GEMIN5: variants seen among roughly 807,000 people sequenced by gnomAD.
The protein encoded by GEMIN5 is gem-associated protein 5.
A neutral mutation model predicts 176.9 loss-of-function variants in GEMIN5; 124 were observed. The ratio of observed to expected loss-of-function variants is 0.70; its 90% CI spans 0.61 to 0.81. GEMIN5 has a LOEUF of 0.81. Ranked by LOEUF, GEMIN5 falls within the 40% of genes least tolerant of loss-of-function variation. The probability of loss-of-function intolerance (pLI) is 0.00; values close to 1 mark genes in which losing one functional copy is unlikely to be tolerated. For synonymous variants in GEMIN5, 673 were observed against 665.2 expected (o/e 1.01, Z -0.18); for missense variants, 1,843 against 1,814.6 (o/e 1.02, Z -0.28).
intron 11 of GEMIN5, 136 bp downstream of exon 11, chr5:154,919,831 C>A: frequency 1.4e-6 from 1 of 701,050 alleles, no homozygotes. Context: ...TCATGCACAG[C>A]CTTATAAGAA....
Position 154,919,992 on chromosome 5 carries a change from A to G in GEMIN5, c.1574T>C (p.Leu525Pro). 3 of 1,613,750 alleles carry G rather than the reference A, an allele frequency of 1.9e-6. No individual in the cohort carries two copies. Among genetic ancestry groups the G allele is most frequent in the Non-Finnish European group, 2.5e-6 (3 of 1,179,788 alleles). ...LSGEAFDINK[L>P]IRDTNSIKYK... ...TTTGATTGAATTGGTGTCCCTGATG[A>G]GTTTGTTGATGTCAAAGGCTTCTCC... The change falls in exon 11 of 28, where the codon CTC becomes CCC. Residue 525 changes from leucine (L) to proline (P), a missense_variant. By Grantham distance (98) the Leu-to-Pro change is moderately conservative. Transcript: ENST00000285873.
chr5:154,891,116 G>T (rs1763216002), intron 26 of GEMIN5, 125 bp downstream of exon 26: 5 of 514,230 alleles, frequency 9.7e-6, no homozygotes, highest in Non-Finnish European at 1.2e-5. Flanking sequence ...GGCTGGTGGT[G>T]AACTCCTGGG....
intron 23 of GEMIN5, among the ~76,000 whole-genome samples, chr5:154,897,918 T>TG (rs1249345371): frequency 1.3e-5 from 2 of 148,828 alleles, no homozygotes; most frequent in Non-Finnish European, 3.0e-5. Context: ...TTTTGTGTTT[T>TG]TTTTTTTTTT....
chr5:154,935,482 C>T (rs997428667), intron 3 of GEMIN5, among the ~76,000 whole-genome samples: 1 of 152,162 alleles, frequency 6.6e-6, no homozygotes, highest in African/African-American at 2.4e-5. Flanking sequence ...CTAAAGGGAG[C>T]GCTCAGAACT....
chr5:154,927,052 G>A (rs375691414), intron 7 of GEMIN5, among the ~76,000 whole-genome samples: 11 of 146,750 alleles, frequency 7.5e-5, no homozygotes, highest in Non-Finnish European at 4.5e-5. Flanking sequence ...CTCTGTCTCA[G>A]AAAAAAAAAA....
At chr5:154,905,237 C>A in intron 17 of GEMIN5, 126 bp downstream of exon 17, 1 of 482,878 alleles carries the variant, frequency 2.1e-6, no homozygotes. Flanking sequence ...ATCAGAAAAC[C>A]TACAAATATT....
At chr5:154,919,889 G>A in intron 11 of GEMIN5, 78 bp downstream of exon 11, 1 of 1,239,496 alleles carries the variant, frequency 8.1e-7, no homozygotes, top group Non-Finnish European at 1.2e-6. Flanking sequence ...TCCAATAACA[G>A]CATTTATTTT....
intron 3 of GEMIN5, among the ~76,000 whole-genome samples, chr5:154,935,262 C>T (rs1764244230): frequency 6.6e-6 from 1 of 152,174 alleles, no homozygotes; most frequent in Non-Finnish European, 1.5e-5. Flanking sequence ...TGCCTTAGCC[C>T]CCAGTCTTTC....
At chr5:154,925,792 TGAACAGGCATAAAAGAGAATTATTTG>T in intron 8 of GEMIN5, 44 bp downstream of exon 8, 1 of 833,898 alleles carries the variant, frequency 1.2e-6, no homozygotes, top group South Asian at 1.5e-5. Flanking sequence ...CGCATTTAAA[TGAACAGGCATAAAAGAGAATTATTTG>T]GAAAAAAAAA....
At chr5:154,924,049 G>C (rs348755) in intron 9 of GEMIN5, among the ~76,000 whole-genome samples, 144,735 of 152,336 alleles carry the variant, frequency 0.95, 68,920 homozygotes, top group South Asian at 0.99. Flanking sequence ...CCCACTGAAA[G>C]TATTATTTAA....
At chr5:154,914,001 T>TA (rs1325662154) in intron 13 of GEMIN5, among the ~76,000 whole-genome samples, 8 of 151,612 alleles carry the variant, frequency 5.3e-5, no homozygotes, top group Non-Finnish European at 1.0e-4. Context: ...ACCCAGTTTC[T>TA]AAAAAATAAA....
At position 154,905,381 on chromosome 5, in the gene GEMIN5, G is replaced by A. The variant is rs745650571; in HGVS notation, c.2491C>T (p.Pro831Ser). The change falls in exon 17 of 28, where the codon CCA (proline) becomes TCA (serine). Residue 831 changes from proline (P) to serine (S), a missense_variant. Physicochemically the swap from Pro to Ser is moderately conservative, Grantham distance 74. Coordinates refer to ENST00000285873, the MANE Select transcript of GEMIN5 (RefSeq NM_015465.5). Reference protein sequence around the residue: ...NNKVILLKKEPPKEKPETLIK... With the variant: ...NNKVILLKKESPKEKPETLIK... The stretch of plus-strand genomic sequence containing the variant: ...TACCAACCTGGCTTCTCTTTTGGTG[G>A]CTCCTTTTTCAGTAAAATGACTTTG... The A allele has an allele frequency of 1.3e-6, 2 of 1,589,364 alleles. No individual in the cohort carries two copies. The highest frequency in any genetic ancestry group is 1.1e-5 in the South Asian group (1 of 88,380).
intron 22 of GEMIN5, 60 bp downstream of exon 22, chr5:154,899,131 C>T: frequency 4.0e-6 from 6 of 1,516,138 alleles, no homozygotes; most frequent in Non-Finnish European, 5.3e-6. Context: ...TATTCTTGTC[C>T]TCCCCTTCCT....
Position 154,898,669 on chromosome 5 carries a change from T to C in GEMIN5, c.3135-19A>G, listed in dbSNP as rs748169542. ...TAAATAGCTATAATATGAATAAAAA[T>C]GTGAAGAAAATGTCACAAACAGATT... On this transcript the variant is annotated intron_variant, in intron 22 of 27. Coordinates refer to ENST00000285873, the MANE Select transcript of GEMIN5 (RefSeq NM_015465.5). 5 of 1,549,174 alleles carry C rather than the reference T, an allele frequency of 3.2e-6. No homozygotes were observed. The highest frequency in any genetic ancestry group is 3.3e-5 in the Admixed American group (2 of 59,794).
At chr5:154,930,368 T>C (rs1764136387) in intron 5 of GEMIN5, among the ~76,000 whole-genome samples, 3 of 152,234 alleles carry the variant, frequency 2.0e-5, no homozygotes, top group Non-Finnish European at 4.4e-5. Context: ...TCTATAGAAG[T>C]ACATTGCCTT....
intron 23 of GEMIN5, among the ~76,000 whole-genome samples, chr5:154,898,028 T>C (rs976301907): frequency 6.7e-6 from 1 of 149,666 alleles, no homozygotes; most frequent in African/African-American, 2.5e-5. Context: ...GCCTCCCAAG[T>C]AAGCTAGGAT....
rs1019156665 is a variant in GEMIN5, at chr5:154,927,697, A to G, written c.915-147T>C. The G allele has an allele frequency of 1.5e-4, 87 of 579,750 alleles. 1 individual carries two copies. In the East Asian group the frequency reaches 2.4e-3, roughly 16 times the overall value. 35.9% of individuals were successfully genotyped at this position (579,750 alleles called of 1,614,324 possible). On this transcript the variant is annotated intron_variant, in intron 6 of 27. Coordinates refer to ENST00000285873, the MANE Select transcript of GEMIN5 (RefSeq NM_015465.5). ...TGCATATGCTGAAAATATGCACAAA[A>G]TATCTCTGGGAAGGCTGGGTGCAGT...
intron 19 of GEMIN5, 57 bp from the exon 20 acceptor site, chr5:154,902,733 T>A: frequency 6.4e-7 from 1 of 1,564,514 alleles, no homozygotes; most frequent in Non-Finnish European, 8.7e-7. Context: ...GTTACTGACT[T>A]GTAGGAAAAG....
chr5:154,931,564 A>G lies in GEMIN5; in HGVS notation c.675T>C (p.Ile225=). The G allele has an allele frequency of 6.2e-7, 1 of 1,603,152 alleles. No individual in the cohort carries two copies. Among genetic ancestry groups the G allele is most frequent in the South Asian group, 1.1e-5 (1 of 90,010 alleles). Residue 225 remains isoleucine, a synonymous_variant, in exon 5 of 28, where the codon ATT becomes ATC. Transcript: ENST00000285873. ...NQEETSEEAE[I]TNGNAVAQAP... ...CTTGTGCTACAGCATTCCCGTTGGT[A>G]ATTTCAGCTTCTTCTATGAGATAGG...
Sources: allele counts gnomAD v4.1 joint callset (sites outside exome capture counted in the v4.1 genomes callset), GRCh38; gene constraint gnomAD v4.1.1; transcripts MANE v1.5; gene names NCBI Gene and HGNC (gene_info 2026-07-23, HGNC 2026-07-21).